The following SPATA6 variants were observed in gnomAD, a reference collection of about 807,000 sequenced individuals.
SPATA6 encodes the protein spermatogenesis-associated protein 6.
SPATA6 carries 56 observed loss-of-function variants against 65.3 expected under a neutral mutation model. The observed-to-expected ratio is 0.86, with a 90% CI of 0.69 to 1.07. The LOEUF (loss-of-function observed/expected upper bound fraction) is 1.07, where lower values mean the gene tolerates loss of function less well. SPATA6 is among the 50% of genes least tolerant of loss of function. SPATA6 has a pLI of 0.00. For synonymous variants in SPATA6, 199 were observed against 213.2 expected, an observed-to-expected ratio of 0.93 and a Z score of 0.58; for missense variants, 590 against 594.8, an observed-to-expected ratio of 0.99 and a Z score of 0.08.
At chr1:48,467,068 T>C (rs1375715716) in intron 1 of SPATA6, among the ~76,000 whole-genome samples, 1 of 152,116 alleles carries the variant, frequency 6.6e-6, no homozygotes, top group African/African-American at 2.4e-5. Flanking sequence ...ATGGAAAATA[T>C]AATTCTTTTG....
intron 11 of SPATA6, among the ~76,000 whole-genome samples, chr1:48,331,861 C>A (rs1485119696): frequency 1.3e-5 from 2 of 152,218 alleles, no homozygotes; most frequent in Non-Finnish European, 2.9e-5. Flanking sequence ...CCCTATCAGA[C>A]TGACAGAGGA....
chr1:48,368,399 T>C (rs1401411561), intron 9 of SPATA6, among the ~76,000 whole-genome samples: 2 of 152,206 alleles, frequency 1.3e-5, no homozygotes, highest in Admixed American at 1.3e-4. Flanking sequence ...TTTTTCAACT[T>C]GGTTTCATTC....
intron 9 of SPATA6, among the ~76,000 whole-genome samples, chr1:48,366,323 A>C (rs1056754097): frequency 6.6e-6 from 1 of 152,132 alleles, no homozygotes; most frequent in Admixed American, 6.6e-5. Flanking sequence ...TGAGTTAGGG[A>C]GGATTCCCTC....
chr1:48,299,852 G>A (rs1337173166), intron 12 of SPATA6, among the ~76,000 whole-genome samples: 2 of 152,158 alleles, frequency 1.3e-5, no homozygotes, highest in African/African-American at 4.8e-5. Context: ...AAAAGACAAC[G>A]TGTGTGCTCT....
intron 4 of SPATA6, 46 bp from the exon 5 acceptor site, chr1:48,411,634 A>G (rs1652244162): frequency 1.4e-6 from 2 of 1,429,796 alleles, no homozygotes; most frequent in Non-Finnish European, 1.8e-6. Context: ...AAAATATTCT[A>G]TTTAGAAACA....
chr1:48,311,948 C>T (rs577033522), intron 11 of SPATA6, among the ~76,000 whole-genome samples: 13 of 152,328 alleles, frequency 8.5e-5, no homozygotes, highest in East Asian at 1.9e-4. Flanking sequence ...GAGGGTCCTA[C>T]GCCCACGGAG....
chr1:48,398,470 A>G (rs1026782580), intron 7 of SPATA6, among the ~76,000 whole-genome samples: 3 of 151,762 alleles, frequency 2.0e-5, no homozygotes, highest in Admixed American at 6.6e-5. Flanking sequence ...TCATTTTACA[A>G]TTTAGAAAAA....
chr1:48,350,336 T>C (rs1022982958), intron 11 of SPATA6, among the ~76,000 whole-genome samples: 1 of 151,388 alleles, frequency 6.6e-6, no homozygotes, highest in African/African-American at 2.4e-5. Context: ...ATACAAGTCC[T>C]AACTCATATA....
the SPATA6 span, among the ~76,000 whole-genome samples, chr1:48,281,734 A>T: frequency 3.9e-5 from 6 of 152,076 alleles, no homozygotes. Context: ...AGGAAGAATC[A>T]ATATCGTGAA....
At position 48,311,710 on chromosome 1, in the gene SPATA6, G is replaced by A. The variant is rs377368673; in HGVS notation, c.1195-5832C>T. 3.0e-4 allele frequency among the ~76,000 whole-genome samples: 45 copies of A among 152,246 alleles called. 1 individual carries two copies. The highest frequency in any genetic ancestry group is 1.5e-3 in the East Asian group (8 of 5,178). ...CAGGTTCATCTCACTAGGGACTGTC[G>A]GACAGTGGGTGCAGGACAGTGGGTG... On this transcript the variant is annotated intron_variant, in intron 11 of 12. Coordinates refer to ENST00000371847, the MANE Select transcript of SPATA6 (RefSeq NM_019073.4).
intron 8 of SPATA6, among the ~76,000 whole-genome samples, 181 bp from the exon 9 acceptor site, chr1:48,385,530 C>A (rs1019858627): frequency 6.6e-6 from 1 of 152,054 alleles, no homozygotes; most frequent in Non-Finnish European, 1.5e-5. Flanking sequence ...ATTAGTTCTT[C>A]AGCAATTAAA....
chr1:48,385,334 C>T lies in SPATA6; in HGVS notation c.884G>A (p.Gly295Asp), dbSNP rs761347576. 1.2e-6 allele frequency: 2 copies of T among 1,607,046 alleles called. No individual in the cohort carries two copies. The highest frequency in any genetic ancestry group is 2.2e-5 in the South Asian group (2 of 89,216). The change falls in exon 9 of 13, where the codon GGC (glycine) becomes GAC (aspartate). Residue 295 changes from glycine (G) to aspartate (D), a missense_variant. Physicochemically the swap from Gly to Asp is moderately conservative, Grantham distance 94 (BLOSUM62 -1). Coordinates refer to ENST00000371847, the MANE Select transcript of SPATA6 (RefSeq NM_019073.4). The stretch of plus-strand genomic sequence containing the variant: ...CTTATAATCCTTGGGTCGGCAGCAG[C>T]CAAGATGAGAATGATCTGAAAAAGG... ...SRVHNDHSHL[G>D]CCRPKDYKVI... is the part of the protein sequence containing the mutation.
At chr1:48,313,012 C>T (rs999203090) in intron 11 of SPATA6, among the ~76,000 whole-genome samples, 16 of 152,198 alleles carry the variant, frequency 1.1e-4, no homozygotes, top group African/African-American at 3.9e-4. Flanking sequence ...TAAAAAGAAA[C>T]TAACAAAGCC....
At chr1:48,313,927 A>G (rs1247508476) in intron 11 of SPATA6, among the ~76,000 whole-genome samples, 1 of 152,222 alleles carries the variant, frequency 6.6e-6, no homozygotes, top group Admixed American at 6.5e-5. Context: ...ATCAACAAAG[A>G]TAAAAAGAGA....
chr1:48,315,256 C>T (rs188488384), intron 11 of SPATA6, among the ~76,000 whole-genome samples: 159 of 152,222 alleles, frequency 1.0e-3, no homozygotes, highest in African/African-American at 3.7e-3. Flanking sequence ...AATTTTAGAC[C>T]AATATCCCTG....
Position 48,443,259 on chromosome 1 carries a change from C to A in SPATA6, c.238+8293G>T, listed in dbSNP as rs374019781. 1.4e-4 allele frequency among the ~76,000 whole-genome samples: 21 copies of A among 152,090 alleles called. 1 individual carries two copies. The highest frequency in any genetic ancestry group is 5.1e-4 in the African/African-American group (21 of 41,410). On this transcript the variant is annotated intron_variant, in intron 3 of 12. Transcript: ENST00000371847. ...AATCCCAAACTTAGAAGGTTTTCAA[C>A]GAAAGTAAAGTTTGCTAAAAGTTAA... is the stretch of plus-strand genomic sequence containing the variant.
chr1:48,396,123 CA>C (rs2147915456), intron 7 of SPATA6, among the ~76,000 whole-genome samples: 1 of 151,834 alleles, frequency 6.6e-6, no homozygotes, highest in East Asian at 1.9e-4. Context: ...CAACCCTAAT[CA>C]TTAAGGAGAC....
At chr1:48,311,955 G>A (rs182098481) in intron 11 of SPATA6, among the ~76,000 whole-genome samples, 161 of 152,288 alleles carry the variant, frequency 1.1e-3, no homozygotes, top group African/African-American at 3.8e-3. Flanking sequence ...CTACGCCCAC[G>A]GAGCCTCACT....
intron 11 of SPATA6, among the ~76,000 whole-genome samples, chr1:48,314,217 C>A (rs558772546): frequency 6.6e-6 from 1 of 152,322 alleles, no homozygotes; most frequent in East Asian, 1.9e-4. Flanking sequence ...GAACTCTCCA[C>A]CCCGAATCAA....
Sources: allele counts gnomAD v4.1 joint callset (sites outside exome capture counted in the v4.1 genomes callset), GRCh38; gene constraint gnomAD v4.1.1; transcripts MANE v1.5; gene names NCBI Gene and HGNC (gene_info 2026-07-23, HGNC 2026-07-21).